Variants in AK9 observed in about 807,000 individuals in gnomAD.
The protein encoded by AK9 is adenylate kinase 9.
Under a neutral mutation model 239.6 loss-of-function variants are expected in AK9, and 191 were observed. That is an observed-to-expected ratio of 0.80 (90% confidence interval 0.71 to 0.90). The LOEUF is 0.90. AK9 is among the 40% of genes least tolerant of loss of function. The pLI, the probability that AK9 is intolerant of heterozygous loss-of-function variation, is 0.00. For synonymous variants in AK9, 689 were observed against 721.0 expected (o/e 0.96, Z 0.71); for missense variants, 1,995 against 2,214.7 (o/e 0.90, Z 1.99).
chr6:109,520,845 G>C (rs1337056265), intron 29 of AK9, among the ~76,000 whole-genome samples: 7 of 152,004 alleles, frequency 4.6e-5, no homozygotes, highest in African/African-American at 1.5e-4. Context: ...TGTACTCTTA[G>C]GTATTTTATT....
intron 24 of AK9, among the ~76,000 whole-genome samples, chr6:109,555,715 G>C (rs1784930621): frequency 6.6e-6 from 1 of 152,188 alleles, no homozygotes; most frequent in Admixed American, 6.5e-5. Context: ...TATATGTTCA[G>C]AATAGTTAGC....
chr6:109,514,415 T>C lies in AK9; in HGVS notation c.4088A>G (p.Lys1363Arg). ...TGGATTCTCTGCATTTTCAACTGGCTTGATTGTCTCTCCTTCACTTAGCTG... is the reference window on the plus strand; with the variant it reads ...TGGATTCTCTGCATTTTCAACTGGCCTGATTGTCTCTCCTTCACTTAGCTG... ...PVKLSEGETI[K>R]PVENAENPIY... is the part of the protein sequence containing the mutation. The change falls in exon 32 of 41, where the codon AAG (lysine) becomes AGG (arginine). Residue 1363 changes from lysine to arginine, a missense_variant. Lys to Arg is a conservative substitution (Grantham distance 26). Transcript: ENST00000424296. 1 of 1,548,512 alleles carries C rather than the reference T, an allele frequency of 6.5e-7. No homozygotes were observed.
chr6:109,498,215 T>C (rs750473043), intron 36 of AK9, among the ~76,000 whole-genome samples: 8 of 152,208 alleles, frequency 5.3e-5, no homozygotes, highest in Non-Finnish European at 1.0e-4. Context: ...GTTGCGCTCC[T>C]ACTACACTAC....
chr6:109,590,934 G>A (rs564441039), intron 17 of AK9, among the ~76,000 whole-genome samples: 68 of 152,168 alleles, frequency 4.5e-4, no homozygotes, highest in African/African-American at 1.6e-3. Context: ...TTGCCTTGTG[G>A]CCTTGCATAT....
At chr6:109,638,119 T>C (rs1436948028) in intron 10 of AK9, among the ~76,000 whole-genome samples, 1 of 152,250 alleles carries the variant, frequency 6.6e-6, no homozygotes, top group Non-Finnish European at 1.5e-5. Flanking sequence ...CACCTAGTCA[T>C]ACAGCTTATG....
chr6:109,652,411 A>G (rs1366595084), intron 8 of AK9, among the ~76,000 whole-genome samples: 3 of 152,244 alleles, frequency 2.0e-5, no homozygotes, highest in Non-Finnish European at 2.9e-5. Flanking sequence ...TCTCAAAATA[A>G]TAAGAGCTAT....
intron 35 of AK9, among the ~76,000 whole-genome samples, chr6:109,502,489 T>C (rs1447656860): frequency 6.6e-6 from 1 of 152,178 alleles, no homozygotes; most frequent in Non-Finnish European, 1.5e-5. Flanking sequence ...AGGCATGGAA[T>C]AGATCCTCCC....
chr6:109,518,761 A>G (rs966673224), intron 29 of AK9, among the ~76,000 whole-genome samples: 2 of 152,088 alleles, frequency 1.3e-5, no homozygotes, highest in African/African-American at 2.4e-5. Flanking sequence ...ATATATTTAA[A>G]TTTCTTTCCA....
intron 17 of AK9, among the ~76,000 whole-genome samples, chr6:109,592,667 C>T (rs374868513): frequency 7.9e-5 from 12 of 152,042 alleles, no homozygotes; most frequent in African/African-American, 2.2e-4. Flanking sequence ...AGGATGGTCT[C>T]GATCTCCTGA....
rs575970612 is a variant in AK9, at chr6:109,594,802, G to A, written c.1843-8730C>T. On this transcript the variant is annotated intron_variant, in intron 17 of 40. Coordinates refer to ENST00000424296, the MANE Select transcript of AK9 (RefSeq NM_001145128.3). ...TAAACGCTGTTGGGAAAACTGGTGAGCCATATGCAGAAAACTGAAACTGGA... is the reference window on the plus strand; with the variant it reads ...TAAACGCTGTTGGGAAAACTGGTGAACCATATGCAGAAAACTGAAACTGGA... Among the ~76,000 whole-genome samples, 111 of 152,294 alleles carry A rather than the reference G, an allele frequency of 7.3e-4. 1 individual carries two copies. Among genetic ancestry groups the A allele is most frequent in the Non-Finnish European group, 1.5e-3 (99 of 68,034 alleles).
intron 24 of AK9, among the ~76,000 whole-genome samples, chr6:109,553,204 T>C (rs1257282976): frequency 2.0e-5 from 3 of 152,246 alleles, no homozygotes; most frequent in South Asian, 2.1e-4. Flanking sequence ...TTTGATTCCA[T>C]ATGAAATTTA....
chr6:109,623,004 T>C (rs1795059656), intron 12 of AK9, among the ~76,000 whole-genome samples: 1 of 152,310 alleles, frequency 6.6e-6, no homozygotes, highest in East Asian at 1.9e-4. Context: ...TACAATGAGA[T>C]TGATATGACA....
intron 29 of AK9, among the ~76,000 whole-genome samples, chr6:109,521,081 C>T (rs114273222): frequency 0.02 from 3,012 of 152,038 alleles, 90 homozygotes; most frequent in African/African-American, 0.07. Context: ...TATTTGGATG[C>T]GTTTCTTTCT....
chr6:109,520,369 G>A (rs527545284), intron 29 of AK9, among the ~76,000 whole-genome samples: 1 of 152,222 alleles, frequency 6.6e-6, no homozygotes, highest in Admixed American at 6.5e-5. Flanking sequence ...TTATTGAATA[G>A]GGTATCCTTT....
rs1796306518 is a variant in AK9 at position 109,633,081 on chromosome 6, G to A, written c.1096C>T (p.Leu366Phe). 6.5e-7 allele frequency: 1 copy of A among 1,549,998 alleles called. No homozygotes were observed. Among genetic ancestry groups the A allele is most frequent in the East Asian group, 2.3e-5 (1 of 43,786 alleles). Reference sequence around the variant, plus strand: ...GGTTTTAATGCTTCTTCTGATGAAAGACAGTAGATTTTACCTAGAAAACTT... The same window carrying A: ...GGTTTTAATGCTTCTTCTGATGAAAAACAGTAGATTTTACCTAGAAAACTT... ...SVSFLGKIYCLSSEEALKPFL... is the reference protein window; with the variant it reads ...SVSFLGKIYCFSSEEALKPFL... The change falls in exon 12 of 41, where the codon CTT becomes TTT. Residue 366 changes from leucine to phenylalanine, a missense_variant. Leu to Phe is a conservative substitution (Grantham distance 22). Transcript: ENST00000424296.
chr6:109,675,479 T>C (rs1771576167), intron 2 of AK9, 150 bp downstream of exon 2: 3 of 536,370 alleles, frequency 5.6e-6, no homozygotes, highest in South Asian at 3.1e-5. Flanking sequence ...TTATAACCAA[T>C]ATTATGGCAG....
At chr6:109,666,691 G>T (rs981408246) in intron 5 of AK9, among the ~76,000 whole-genome samples, 1 of 152,202 alleles carries the variant, frequency 6.6e-6, no homozygotes, top group African/African-American at 2.4e-5. Context: ...CCATACAAAT[G>T]AAGATGGCAG....
chr6:109,626,755 T>C (rs989268866), intron 12 of AK9, among the ~76,000 whole-genome samples: 1 of 152,214 alleles, frequency 6.6e-6, no homozygotes, highest in Non-Finnish European at 1.5e-5. Flanking sequence ...TGTGCAAATA[T>C]GGCATAAACA....
chr6:109,589,406 T>C (rs545982171), intron 17 of AK9, among the ~76,000 whole-genome samples: 1 of 152,302 alleles, frequency 6.6e-6, no homozygotes, highest in East Asian at 1.9e-4. Flanking sequence ...GAAATGGCAA[T>C]TTTTGTATGT....
Sources: gnomAD v4.1 joint callset for allele counts (sites outside exome capture counted in the v4.1 genomes callset) on GRCh38, gnomAD v4.1.1 for gene constraint, MANE v1.5 for transcripts, NCBI Gene and HGNC (gene_info 2026-07-23, HGNC 2026-07-21) for gene names.